The following PRDM2 variants were observed in gnomAD, a reference collection of about 807,000 sequenced individuals.
The protein encoded by PRDM2 is PR domain zinc finger protein 2.
In PRDM2, 30 loss-of-function variants were observed where a neutral mutation model predicts 130.0. That is an observed-to-expected ratio of 0.23 (90% CI 0.17 to 0.31). PRDM2 has a LOEUF of 0.31. PRDM2 is among the 10% of genes least tolerant of loss of function. PRDM2 has a pLI of 1.00. For missense variants in PRDM2, 2,011 were observed against 2,108.4 expected (o/e 0.95, Z 0.90); for synonymous variants, 871 against 782.4 (o/e 1.11, Z -1.89).
At position 13,743,847 on chromosome 1, in the gene PRDM2, T is replaced by G. The variant is rs552139760; in HGVS notation, c.384+1690T>G. On this transcript the variant is annotated intron_variant, in intron 5 of 9. Coordinates refer to ENST00000311066, the MANE Select transcript of PRDM2 (RefSeq NM_001393986.1). ...TTGTTACACTTTCTTATTTAGGACTTTAAAAACCTTGTTTTCCATTTTTAT... is the reference window on the plus strand; with the variant it reads ...TTGTTACACTTTCTTATTTAGGACTGTAAAAACCTTGTTTTCCATTTTTAT... 5.9e-5 allele frequency among the ~76,000 whole-genome samples: 9 copies of G among 152,380 alleles called. No homozygotes were observed. The South Asian group carries it at 1.9e-3, about 32-fold the overall frequency.
intron 1 of PRDM2, among the ~76,000 whole-genome samples, chr1:13,709,353 G>T (rs1642300278): frequency 6.6e-6 from 1 of 152,226 alleles, no homozygotes; most frequent in Non-Finnish European, 1.5e-5. Context: ...AAAGTTCACA[G>T]ATTGTAATTT....
chr1:13,810,255 C>T (rs11806090), intron 8 of PRDM2, among the ~76,000 whole-genome samples: 1 of 152,168 alleles, frequency 6.6e-6, no homozygotes, highest in Admixed American at 6.5e-5. Context: ...CATACATGGC[C>T]TGGCACATAG....
chr1:13,772,957 TAC>T (rs1283142060), intron 6 of PRDM2, 119 bp from the exon 7 acceptor site: 2 of 599,660 alleles, frequency 3.3e-6, no homozygotes, highest in South Asian at 2.7e-5. Flanking sequence ...CCCAGGAATA[TAC>T]AGTGTTCTTG....
intron 8 of PRDM2, chr1:13,783,059 T>A: frequency 1.0e-6 from 1 of 964,342 alleles, no homozygotes; most frequent in Middle Eastern, 2.2e-4. Flanking sequence ...ACTTCTTTAA[T>A]GTGGCCAGAT....
In PRDM2 at chr1:13,723,205, C is replaced by T. The variant is rs186541425; in HGVS notation, c.9+7591C>T. The stretch of plus-strand genomic sequence containing the variant: ...TCAAGTCCAAGTCCCTGTGTGACAT[C>T]TTCTCTGAGAGGCCTCCCCCTGCCA... On this transcript the variant is annotated intron_variant, in intron 2 of 9. Coordinates refer to ENST00000311066, the MANE Select transcript of PRDM2 (RefSeq NM_001393986.1). 2.6e-5 allele frequency among the ~76,000 whole-genome samples: 4 copies of T among 152,330 alleles called. No individual in the cohort carries two copies. In the East Asian group the frequency reaches 7.7e-4, roughly 29 times the overall value.
At chr1:13,793,868 A>T (rs928580979) in intron 8 of PRDM2, among the ~76,000 whole-genome samples, 1 of 152,194 alleles carries the variant, frequency 6.6e-6, no homozygotes, top group Non-Finnish European at 1.5e-5. Context: ...AAGAAAGTCT[A>T]TGAATTTGTG....
intron 7 of PRDM2, among the ~76,000 whole-genome samples, chr1:13,777,348 G>A (rs897746694): frequency 5.3e-5 from 8 of 151,866 alleles, no homozygotes; most frequent in African/African-American, 1.9e-4. Flanking sequence ...TATCTTCCTT[G>A]TAGTAACCAG....
chr1:13,777,778 C>A (rs1644510750), intron 7 of PRDM2, among the ~76,000 whole-genome samples: 1 of 151,254 alleles, frequency 6.6e-6, no homozygotes, highest in African/African-American at 2.4e-5. Flanking sequence ...CTGCAGATTT[C>A]TGTTCCCTTC....
At position 13,823,450 on chromosome 1, in the gene PRDM2, G is replaced by T; in HGVS notation, c.*315G>T. 1 of 515,794 alleles carries T rather than the reference G, an allele frequency of 1.9e-6. No individual in the cohort carries two copies. The highest frequency in any genetic ancestry group is 3.3e-5 in the East Asian group (1 of 29,866). 32.0% of individuals were successfully genotyped at this position (515,794 alleles called of 1,614,324 possible). A position where few individuals can be genotyped will look rare whatever the true frequency, so the allele number is the denominator to read the frequency against. On this transcript the variant is annotated 3_prime_UTR_variant, in exon 10 of 10. Transcript: ENST00000311066. ...GTTCTGCAGCCCAGCCTTCCTGTTG[G>T]GGTGGGGCCTCTCCTACTATGCAAT...
intron 1 of PRDM2, among the ~76,000 whole-genome samples, chr1:13,708,865 C>G (rs1217824108): frequency 6.6e-6 from 1 of 152,170 alleles, no homozygotes; most frequent in Non-Finnish European, 1.5e-5. Flanking sequence ...CCTGTCTGCG[C>G]AGTCTCTCTC....
intron 1 of PRDM2, among the ~76,000 whole-genome samples, chr1:13,702,808 T>A (rs563947119): frequency 1.7e-4 from 26 of 152,246 alleles, no homozygotes; most frequent in Admixed American, 1.6e-3. Flanking sequence ...TTAATACTCA[T>A]GCAGAAAAAA....
chr1:13,773,381 A>G lies in PRDM2; in HGVS notation c.622+193A>G, dbSNP rs541192643. 292 of 383,218 alleles carry G rather than the reference A, an allele frequency of 7.6e-4. 2 individuals carry two copies. Among genetic ancestry groups the G allele is most frequent in the Non-Finnish European group, 1.2e-3 (260 of 210,232 alleles). The allele number at this position is 383,218 out of a possible 1,614,324, so 23.7% of individuals were successfully genotyped here. On this transcript the variant is annotated intron_variant, in intron 7 of 9. Transcript: ENST00000311066. ...TACCTTCCCTTCAAACAATTGTGAA[A>G]GACTTTTCTTCTTAAAAATGAACTT...
chr1:13,757,280 CA>C (rs1557625221), intron 6 of PRDM2, among the ~76,000 whole-genome samples: 1 of 152,194 alleles, frequency 6.6e-6, no homozygotes, highest in Admixed American at 6.5e-5. Flanking sequence ...TATTGTCTTT[CA>C]AGTGTTTTTT....
At chr1:13,750,635 GAATT>G (rs1184947258) in intron 6 of PRDM2, among the ~76,000 whole-genome samples, 2 of 152,176 alleles carry the variant, frequency 1.3e-5, no homozygotes, top group African/African-American at 4.8e-5. Flanking sequence ...AATGGAAATA[GAATT>G]AATTCCCCCG....
intron 7 of PRDM2, among the ~76,000 whole-genome samples, chr1:13,774,116 A>G (rs561747633): frequency 6.6e-6 from 1 of 152,338 alleles, no homozygotes; most frequent in African/African-American, 2.4e-5. Flanking sequence ...CTCTGGTGAT[A>G]ATATTCTAGG....
intron 8 of PRDM2, among the ~76,000 whole-genome samples, chr1:13,814,104 T>A (rs1336355582): frequency 2.0e-5 from 3 of 152,198 alleles, no homozygotes; most frequent in African/African-American, 7.2e-5. Flanking sequence ...TGTTTCTTAT[T>A]GCCCAACAGG....
intron 8 of PRDM2, among the ~76,000 whole-genome samples, chr1:13,785,834 C>CTT (rs537560305): frequency 3.9e-4 from 45 of 115,072 alleles, no homozygotes; most frequent in South Asian, 3.6e-3. Context: ...TTTTTGGGTT[C>CTT]TTTTTTTTTT....
At chr1:13,717,564 A>G in intron 2 of PRDM2, 1 of 453,252 alleles carries the variant, frequency 2.2e-6, no homozygotes, top group Non-Finnish European at 2.9e-6. Context: ...TTAGACTTGT[A>G]ATATTTCTAG....
At chr1:13,769,614 A>G (rs1029548266) in intron 6 of PRDM2, among the ~76,000 whole-genome samples, 20 of 152,226 alleles carry the variant, frequency 1.3e-4, no homozygotes, top group African/African-American at 4.3e-4. Flanking sequence ...GATTGAGAAC[A>G]TTGTTCCAGG....
Sources: allele counts gnomAD v4.1 joint callset (sites outside exome capture counted in the v4.1 genomes callset), GRCh38; gene constraint gnomAD v4.1.1; transcripts MANE v1.5; gene names NCBI Gene and HGNC (gene_info 2026-07-23, HGNC 2026-07-21).